Variants in TANC1 observed in about 807,000 individuals in gnomAD.
TANC1 encodes the protein protein TANC1.
TANC1 carries 77 observed loss-of-function variants against 149.7 expected under a neutral mutation model. The ratio of observed to expected loss-of-function variants is 0.51; its 90% CI spans 0.43 to 0.62. The LOEUF (loss-of-function observed/expected upper bound fraction) is 0.62, where lower values mean the gene tolerates loss of function less well. Ranked by LOEUF, TANC1 falls within the 20% of genes least tolerant of loss-of-function variation. The pLI is 0.00. For missense variants in TANC1, 1,985 were observed against 2,321.8 expected (o/e 0.85, Z 2.98); for synonymous variants, 854 against 925.0 (o/e 0.92, Z 1.39).
chr2:159,040,800 A>C (rs1272758973), intron 2 of TANC1, among the ~76,000 whole-genome samples: 1 of 151,914 alleles, frequency 6.6e-6, no homozygotes, highest in Non-Finnish European at 1.5e-5. Context: ...GCTTTTTTCC[A>C]TTTCTGGTAA....
intron 16 of TANC1, among the ~76,000 whole-genome samples, chr2:159,189,423 G>C (rs12328559): frequency 3.7e-4 from 57 of 152,238 alleles, no homozygotes; most frequent in Middle Eastern, 3.2e-3. Context: ...GTGCCTTCCA[G>C]AGGTCAGGGA....
At chr2:159,076,531 A>G (rs1403156768) in intron 3 of TANC1, among the ~76,000 whole-genome samples, 2 of 152,226 alleles carry the variant, frequency 1.3e-5, no homozygotes, top group Non-Finnish European at 2.9e-5. Flanking sequence ...GACTCCTGGT[A>G]AGTTCCCAAC....
chr2:159,094,896 T>C (rs1033864097), intron 3 of TANC1, among the ~76,000 whole-genome samples: 10 of 152,140 alleles, frequency 6.6e-5, no homozygotes, highest in African/African-American at 2.2e-4. Context: ...GGCATTTGCA[T>C]GAATGTCCTT....
intron 2 of TANC1, among the ~76,000 whole-genome samples, chr2:159,031,992 A>G (rs1311283131): frequency 6.6e-6 from 1 of 152,250 alleles, no homozygotes; most frequent in Non-Finnish European, 1.5e-5. Flanking sequence ...AGAAACGCTT[A>G]GGCTGTTTAA....
At chr2:159,065,788 T>A in intron 2 of TANC1, 108 bp from the exon 3 acceptor site, 1 of 784,552 alleles carries the variant, frequency 1.3e-6, no homozygotes, top group Non-Finnish European at 2.1e-6. Flanking sequence ...TACCTTAATA[T>A]TAAGCGGTCT....
chr2:158,983,230 G>GC (rs1221003049), intron 1 of TANC1, among the ~76,000 whole-genome samples: 1 of 151,958 alleles, frequency 6.6e-6, no homozygotes, highest in African/African-American at 2.4e-5. Context: ...ACTTTGGGAG[G>GC]CCGAGGTGGG....
chr2:159,102,876 G>T (rs1574677753), intron 4 of TANC1, among the ~76,000 whole-genome samples: 1 of 93,312 alleles, frequency 1.1e-5, no homozygotes, highest in African/African-American at 3.1e-5. Context: ...CCACCACCAC[G>T]CCTGGCTAAT....
At chr2:159,026,898 G>T (rs923732407) in intron 2 of TANC1, 1 of 152,178 alleles carries the variant, frequency 6.6e-6, no homozygotes, top group African/African-American at 2.4e-5. Context: ...CAGCCTCAAA[G>T]ATCTCTGAAA....
rs1370593883 is a variant in TANC1 at position 159,001,309 on chromosome 2, A to C, written c.-16+120A>C. The C allele has an allele frequency of 1.3e-5, 2 of 152,406 alleles. No homozygotes were observed. Among genetic ancestry groups the C allele is most frequent in the African/African-American group, 2.4e-5 (1 of 41,538 alleles). The allele number at this position is 152,406 out of a possible 1,614,324, so 9.4% of individuals were successfully genotyped here. Reference sequence around the variant, plus strand: ...GGCCTGTAGAACGTCCAGTCTTTCCACCTGCCCAGAGCCACTGGTGAGCCA... The same window carrying C: ...GGCCTGTAGAACGTCCAGTCTTTCCCCCTGCCCAGAGCCACTGGTGAGCCA... On this transcript the variant is annotated intron_variant, in intron 2 of 26. Transcript: ENST00000263635. This position sits in a 1 kb window ranked among gnomAD's most constrained non-coding sequence, Gnocchi z 4.3.
At chr2:159,108,565 A>T (rs1042482899) in intron 4 of TANC1, among the ~76,000 whole-genome samples, 2 of 152,240 alleles carry the variant, frequency 1.3e-5, no homozygotes, top group Non-Finnish European at 2.9e-5. Flanking sequence ...AACAGAAGTC[A>T]CAGGAGCCCA....
chr2:159,045,293 A>G (rs907062749), intron 2 of TANC1, among the ~76,000 whole-genome samples: 5 of 152,054 alleles, frequency 3.3e-5, no homozygotes, highest in South Asian at 2.1e-4. Context: ...TTACCCGGGC[A>G]TGGTGGCACA....
chr2:159,166,470 GGT>G (rs59852289), intron 8 of TANC1, among the ~76,000 whole-genome samples: 4 of 150,750 alleles, frequency 2.7e-5, no homozygotes, highest in Non-Finnish European at 5.9e-5. Context: ...TGTTAGATAT[GGT>G]GTGTGTGTGT....
chr2:159,097,544 A>C, intron 3 of TANC1, 93 bp from the exon 4 acceptor site: 1 of 981,700 alleles, frequency 1.0e-6, no homozygotes, highest in Non-Finnish European at 1.6e-6. Flanking sequence ...ATATGTGGGA[A>C]TTATATTCTG....
intron 3 of TANC1, among the ~76,000 whole-genome samples, chr2:159,091,506 T>A (rs984026351): frequency 3.3e-5 from 5 of 152,232 alleles, no homozygotes; most frequent in Non-Finnish European, 5.9e-5. Flanking sequence ...CATGCTGATA[T>A]GTCTTAAAAG....
chr2:159,124,640 C>T (rs1297094561), intron 4 of TANC1, among the ~76,000 whole-genome samples: 1 of 152,150 alleles, frequency 6.6e-6, no homozygotes, highest in Non-Finnish European at 1.5e-5. Flanking sequence ...CTAGGAAGAT[C>T]GATCTTTCCT....
At chr2:159,023,110 G>A (rs1270504569) in intron 2 of TANC1, among the ~76,000 whole-genome samples, 1 of 152,174 alleles carries the variant, frequency 6.6e-6, no homozygotes, top group Non-Finnish European at 1.5e-5. Context: ...CTGCTTCCAA[G>A]TGAAAGGAAG....
At position 159,170,692 on chromosome 2, in the gene TANC1, T is replaced by C. The variant is rs201851260; in HGVS notation, c.1238T>C (p.Val413Ala). The change falls in exon 10 of 27, where the codon GTT becomes GCT. Residue 413 changes from valine (V) to alanine (A), a missense_variant. Physicochemically the swap from Val to Ala is moderately conservative, Grantham distance 64. Transcript: ENST00000263635. ...ELAENRGAVV[V>A]GNVGFGKTAI... ...GCAGAAAACAGAGGCGCGGTGGTGGTTGGCAATGTGGGATTTGGGAAGACG... is the reference window on the plus strand; with the variant it reads ...GCAGAAAACAGAGGCGCGGTGGTGGCTGGCAATGTGGGATTTGGGAAGACG... 9.3e-6 allele frequency: 15 copies of C among 1,613,978 alleles called. No homozygotes were observed. The highest frequency in any genetic ancestry group is 2.2e-5 in the South Asian group (2 of 91,050).
rs1187833731 is a variant in TANC1 at position 159,173,797 on chromosome 2, TTGA to T, written c.1504-1151_1504-1149del. Among the ~76,000 whole-genome samples the T allele has an allele frequency of 3.9e-5, 6 of 152,208 alleles. No homozygotes were observed. In the East Asian group the frequency reaches 7.7e-4, roughly 20 times the overall value. ...TTGGAGAGCAGCCAGCTTTCCTCTG[TTGA>T]TGATAAATTTAATCTAAACCAAAAG... On this transcript the variant is annotated intron_variant, in intron 11 of 26. Coordinates refer to ENST00000263635, the MANE Select transcript of TANC1 (RefSeq NM_033394.3).
At chr2:159,183,162 T>C (rs1324201598) in intron 14 of TANC1, among the ~76,000 whole-genome samples, 2 of 152,150 alleles carry the variant, frequency 1.3e-5, no homozygotes, top group East Asian at 3.9e-4. Context: ...GTAGCTCTTG[T>C]GGCTTGGCCT....
Sources: gnomAD v4.1 joint callset for allele counts (sites outside exome capture counted in the v4.1 genomes callset) on GRCh38, gnomAD v4.1.1 for gene constraint, Gnocchi (gnomAD v3.1) non-coding constraint, MANE v1.5 for transcripts, NCBI Gene and HGNC (gene_info 2026-07-23, HGNC 2026-07-21) for gene names.